Variants in SAMD12 observed in about 807,000 individuals in gnomAD.
SAMD12 encodes sterile alpha motif domain containing 12, also known as sterile alpha motif domain-containing protein 12.
Under a neutral mutation model 15.0 loss-of-function variants are expected in SAMD12, and 9 were observed. The observed-to-expected ratio is 0.60, with a 90% CI of 0.36 to 1.05. SAMD12 has a LOEUF of 1.05. Among genes scored for constraint, SAMD12 ranks in the 50% least tolerant of loss-of-function variants. The probability of loss-of-function intolerance (pLI) is 0.01; values close to 1 mark genes in which losing one functional copy is unlikely to be tolerated. For missense variants in SAMD12, 230 were observed against 234.2 expected (o/e 0.98, Z 0.12); for synonymous variants, 86 against 90.1 (o/e 0.96, Z 0.25).
chr8:118,465,154 A>G (rs1202141355), intron 2 of SAMD12, among the ~76,000 whole-genome samples: 2 of 152,148 alleles, frequency 1.3e-5, no homozygotes, highest in African/African-American at 4.8e-5. Flanking sequence ...ACCAAATTAA[A>G]TCAGAATCTC....
intron 2 of SAMD12, among the ~76,000 whole-genome samples, chr8:118,482,642 G>A: frequency 6.6e-6 from 1 of 152,124 alleles, no homozygotes. Context: ...CAAATACTAT[G>A]CAATTTTATA....
intron 2 of SAMD12, among the ~76,000 whole-genome samples, chr8:118,457,222 C>CTTTTTTTTTTTT (rs796704911): frequency 7.1e-6 from 1 of 140,726 alleles, no homozygotes; most frequent in Admixed American, 7.0e-5. Context: ...CTCTCTCTCT[C>CTTTTTTTTTTTT]TTTTTTTTTT....
At chr8:118,179,882 C>G in the SAMD12 span, among the ~76,000 whole-genome samples, 2 of 152,216 alleles carry the variant, frequency 1.3e-5, no homozygotes, top group Non-Finnish European at 2.9e-5. Context: ...CAAAAGGCCA[C>G]GAGGCAGCAT....
chr8:118,429,874 A>G (rs1822345600), intron 3 of SAMD12, among the ~76,000 whole-genome samples: 1 of 152,180 alleles, frequency 6.6e-6, no homozygotes, highest in South Asian at 2.1e-4. Flanking sequence ...AGCCTGGCTG[A>G]CAGAGTGAGA....
chr8:118,307,510 G>A lies in SAMD12; in HGVS notation c.433+72050C>T, dbSNP rs115284836. Among the ~76,000 whole-genome samples, 766 of 152,300 alleles carry A rather than the reference G, an allele frequency of 5.0e-3. 5 individuals are homozygous for A. The highest frequency in any genetic ancestry group is 0.018 in the African/African-American group (730 of 41,568). ...AGTGAAGAGAGCTGTCATCAGCTGGGGGTGGGATTAGAGAACATTAATTGA... is the reference window on the plus strand; with the variant it reads ...AGTGAAGAGAGCTGTCATCAGCTGGAGGTGGGATTAGAGAACATTAATTGA... On this transcript the variant is annotated intron_variant, in intron 4 of 4. Coordinates refer to the SAMD12 transcript ENST00000409003.
intron 3 of SAMD12, among the ~76,000 whole-genome samples, chr8:118,388,149 C>A (rs1003399760): frequency 1.3e-5 from 2 of 152,160 alleles, no homozygotes; most frequent in Admixed American, 1.3e-4. Context: ...ACAGCATAGG[C>A]AAAGATGGAG....
chr8:118,143,172 G>C, the SAMD12 span, among the ~76,000 whole-genome samples: 1 of 152,096 alleles, frequency 6.6e-6, no homozygotes, highest in African/African-American at 2.4e-5. Context: ...CTGTACATCT[G>C]ATTTATGGAG....
At chr8:118,607,247 T>TG (rs1828007020) in intron 1 of SAMD12, among the ~76,000 whole-genome samples, 1 of 152,028 alleles carries the variant, frequency 6.6e-6, no homozygotes, top group Non-Finnish European at 1.5e-5. Flanking sequence ...TCCTTTTTTT[T>TG]TTCTTGAGAC....
intron 2 of SAMD12, among the ~76,000 whole-genome samples, chr8:118,455,143 G>A (rs1402324980): frequency 6.6e-6 from 1 of 152,044 alleles, no homozygotes; most frequent in African/African-American, 2.4e-5. Flanking sequence ...ACTGAGACAC[G>A]CAGGTTGCTA....
chr8:118,182,830 G>A, the SAMD12 span, among the ~76,000 whole-genome samples: 3 of 152,192 alleles, frequency 2.0e-5, no homozygotes, highest in East Asian at 1.9e-4. Flanking sequence ...GACAGATGTT[G>A]GAACGGTGTT....
rs570945663 is a variant in SAMD12, at chr8:118,525,427, C to A, written c.192+55288G>T. On this transcript the variant is annotated intron_variant, in intron 2 of 3. Coordinates refer to ENST00000314727, the MANE Select transcript of SAMD12 (RefSeq NM_207506.3). ...TACATCTTTCTTCATTGACTCAAAC[C>A]CCTATAGAATGCAAGTGTCATCAGA... 3.9e-5 allele frequency among the ~76,000 whole-genome samples: 6 copies of A among 152,264 alleles called. No homozygotes were observed. In the East Asian group the frequency reaches 1.2e-3, roughly 29 times the overall value.
intron 4 of SAMD12, among the ~76,000 whole-genome samples, chr8:118,255,926 C>G (rs951298372): frequency 2.0e-5 from 3 of 152,068 alleles, no homozygotes; most frequent in Non-Finnish European, 2.9e-5. Flanking sequence ...TGAGGAATCT[C>G]CACACTGACT....
intron 4 of SAMD12, among the ~76,000 whole-genome samples, chr8:118,341,018 G>C (rs1012056086): frequency 6.6e-6 from 1 of 152,166 alleles, no homozygotes; most frequent in Non-Finnish European, 1.5e-5. Flanking sequence ...AGGCATTCCT[G>C]AAGGGCTCAG....
At chr8:118,272,726 T>C (rs1287408226) in intron 4 of SAMD12, among the ~76,000 whole-genome samples, 1 of 152,202 alleles carries the variant, frequency 6.6e-6, no homozygotes, top group Non-Finnish European at 1.5e-5. Context: ...CCAGTCCCTT[T>C]ACATAGCAAG....
intron 1 of SAMD12, among the ~76,000 whole-genome samples, chr8:118,612,363 T>A (rs995909846): frequency 6.6e-6 from 1 of 152,256 alleles, no homozygotes. Context: ...AGCTTTCTTT[T>A]GTATGCCAAA....
intron 3 of SAMD12, among the ~76,000 whole-genome samples, chr8:118,436,603 A>G (rs1258044225): frequency 1.3e-5 from 2 of 152,240 alleles, no homozygotes; most frequent in Non-Finnish European, 2.9e-5. Context: ...AAGAAAAATA[A>G]AAGAACAGCA....
chr8:118,310,272 G>A (rs1202340275), intron 4 of SAMD12, among the ~76,000 whole-genome samples: 3 of 151,958 alleles, frequency 2.0e-5, no homozygotes, highest in African/African-American at 7.3e-5. Context: ...TAATATTGTT[G>A]GTTTATCTGC....
At chr8:118,234,064 T>C (rs1812375012) in intron 4 of SAMD12, among the ~76,000 whole-genome samples, 1 of 152,174 alleles carries the variant, frequency 6.6e-6, no homozygotes. Context: ...GAGATCTTTT[T>C]ATCTTAGAGA....
intron 3 of SAMD12, among the ~76,000 whole-genome samples, chr8:118,394,064 T>G (rs1179467030): frequency 6.6e-6 from 1 of 152,206 alleles, no homozygotes; most frequent in South Asian, 2.1e-4. Flanking sequence ...TAAATATGGA[T>G]TGACACTGGC....
Sources: allele counts gnomAD v4.1 joint callset (sites outside exome capture counted in the v4.1 genomes callset), GRCh38; gene constraint gnomAD v4.1.1; transcripts MANE v1.5; gene names NCBI Gene and HGNC (gene_info 2026-07-23, HGNC 2026-07-21).